The following VPS36 variants were observed in gnomAD, a reference collection of about 807,000 sequenced individuals.
VPS36 encodes the protein vacuolar protein-sorting-associated protein 36.
Under a neutral mutation model 63.5 loss-of-function variants are expected in VPS36, and 31 were observed. That is an observed-to-expected ratio of 0.49 (90% CI 0.37 to 0.66). VPS36 has a LOEUF of 0.66. VPS36 is among the 30% of genes least tolerant of loss of function. VPS36 has a pLI of 0.00. For synonymous variants in VPS36, 138 were observed against 157.2 expected, an observed-to-expected ratio of 0.88 and a Z score of 0.91; for missense variants, 338 against 463.7, an observed-to-expected ratio of 0.73 and a Z score of 2.49.
At chr13:52,429,164 G>C in intron 6 of VPS36, 1 of 725,330 alleles carries the variant, frequency 1.4e-6, no homozygotes, top group Non-Finnish European at 1.7e-6. Context: ...CTCCAATTTT[G>C]AGAAAAACAG....
Position 52,415,254 on chromosome 13 carries a change from T to TA in VPS36, c.*575dup, listed in dbSNP as rs771992533. On this transcript the variant is annotated 3_prime_UTR_variant, in exon 14 of 14. Transcript: ENST00000378060. ...AAATGCCAGTCATGAAATCATCACTTAAAAAAACAAAGAGAAACTAGATAG... is the reference window on the plus strand; with the variant it reads ...AAATGCCAGTCATGAAATCATCACTTAAAAAAAACAAAGAGAAACTAGATAG... 2.6e-5 allele frequency: 4 copies of TA among 152,126 alleles called. No individual in the cohort carries two copies. The highest frequency in any genetic ancestry group is 7.2e-5 in the African/African-American group (3 of 41,430). The allele number at this position is 152,126 out of a possible 1,614,324, so 9.4% of individuals were successfully genotyped here.
intron 3 of VPS36, among the ~76,000 whole-genome samples, chr13:52,437,239 T>C (rs1050675152): frequency 6.6e-6 from 1 of 152,186 alleles, no homozygotes; most frequent in African/African-American, 2.4e-5. Flanking sequence ...AAGATCACTG[T>C]AAAATTGAAA....
At position 52,442,429 on chromosome 13, in the gene VPS36, C is replaced by T; in HGVS notation, c.113G>A (p.Gly38Glu). 6.2e-7 allele frequency: 1 copy of T among 1,611,066 alleles called. No homozygotes were observed. The highest frequency in any genetic ancestry group is 8.5e-7 in the Non-Finnish European group (1 of 1,179,026). Residue 38 changes from glycine to glutamate, a missense_variant, in exon 2 of 14, where the codon GGG (glycine) becomes GAG (glutamate). Transcript: ENST00000378060. ...DGEEKIKFDA[G>E]TLLLSTHRLI... ...TCGGTGTGTACTAAGAAGGAGAGTC[C>T]CAGCATCAAATTTTATCTAGAAAGA...
intron 11 of VPS36, among the ~76,000 whole-genome samples, chr13:52,417,770 C>T (rs1222106830): frequency 6.6e-6 from 1 of 152,226 alleles, no homozygotes; most frequent in Admixed American, 6.5e-5. Context: ...ATTCTGATCT[C>T]ATGGGAAGAA....
chr13:52,416,324 A>C (rs1414219519), intron 12 of VPS36: 1 of 506,516 alleles, frequency 2.0e-6, no homozygotes, highest in East Asian at 3.4e-5. Flanking sequence ...TCAAATATCA[A>C]GATCAAGCTC....
chr13:52,431,593 T>G (rs558088476), intron 6 of VPS36, among the ~76,000 whole-genome samples: 1 of 151,446 alleles, frequency 6.6e-6, no homozygotes, highest in African/African-American at 2.4e-5. Flanking sequence ...TGAAACCCCG[T>G]CTCTACTAAA....
intron 1 of VPS36, among the ~76,000 whole-genome samples, chr13:52,449,023 C>G (rs770027653): frequency 3.9e-5 from 6 of 152,218 alleles, no homozygotes; most frequent in Non-Finnish European, 7.3e-5. Flanking sequence ...GGATGGAAGA[C>G]TCATCTTGAG....
chr13:52,412,801 C>T lies in VPS36; in HGVS notation c.*3029G>A, dbSNP rs1957959987. On this transcript the variant is annotated 3_prime_UTR_variant, in exon 14 of 14. Transcript: ENST00000378060. ...AACAAACCAGATAAAAACTTCTGCCCTTGCGCAGCTTATACTCTAGATCGT... is the reference window on the plus strand; with the variant it reads ...AACAAACCAGATAAAAACTTCTGCCTTTGCGCAGCTTATACTCTAGATCGT... The T allele has an allele frequency of 2.0e-5, 3 of 152,186 alleles. No individual in the cohort carries two copies. In the South Asian group the frequency reaches 6.2e-4, roughly 32 times the overall value. The allele number at this position is 152,186 out of a possible 1,614,324, so 9.4% of individuals were successfully genotyped here.
At chr13:52,427,130 T>C (rs1958109784) in intron 7 of VPS36, 57 bp downstream of exon 7, 2 of 1,605,360 alleles carry the variant, frequency 1.2e-6, no homozygotes, top group Non-Finnish European at 8.5e-7. Context: ...TAACAAAATA[T>C]ATTTCAAAAA....
At chr13:52,427,380 C>CA (rs1414050635) in intron 6 of VPS36, among the ~76,000 whole-genome samples, 161 bp from the exon 7 acceptor site, 8 of 152,162 alleles carry the variant, frequency 5.3e-5, no homozygotes, top group African/African-American at 1.9e-4. Context: ...CCGAGGCAGG[C>CA]AGATCACGAG....
chr13:52,434,877 G>A lies in VPS36; in HGVS notation c.357C>T (p.Tyr119=), dbSNP rs376689962. ...SFKEHGQIEF[Y]RRLSEEMTQR... ...GTGTCATTTCCTCTGATAAACGCCT[G>A]TAAAACTGATACGCAAATAAATACA... Residue 119 remains tyrosine, a synonymous_variant, in exon 5 of 14, where the codon TAC becomes TAT. Coordinates refer to ENST00000378060, the MANE Select transcript of VPS36 (RefSeq NM_016075.4). The A allele has an allele frequency of 8.7e-6, 14 of 1,611,784 alleles. No homozygotes were observed. Among genetic ancestry groups the A allele is most frequent in the Middle Eastern group, 1.6e-4 (1 of 6,074 alleles).
At chr13:52,427,261 A>G in intron 6 of VPS36, 42 bp from the exon 7 acceptor site, 1 of 1,594,390 alleles carries the variant, frequency 6.3e-7, no homozygotes, top group Non-Finnish European at 8.5e-7. Context: ...CATCTAAAGA[A>G]TTAAAATGAC....
chr13:52,450,313 C>A, intron 1 of VPS36, 186 bp downstream of exon 1: 1 of 1,172,868 alleles, frequency 8.5e-7, no homozygotes, highest in Non-Finnish European at 1.1e-6. Flanking sequence ...GCGCCCCACG[C>A]CACGTGCTAC....
At chr13:52,435,855 C>A (rs1325492460) in intron 4 of VPS36, 2 of 153,752 alleles carry the variant, frequency 1.3e-5, no homozygotes, top group Admixed American at 1.3e-4. Context: ...TATTATACTG[C>A]AGAATAAGTA....
chr13:52,446,535 A>C (rs61959671), intron 1 of VPS36, among the ~76,000 whole-genome samples: 4,341 of 152,230 alleles, frequency 0.029, 80 homozygotes, highest in Non-Finnish European at 0.048. Context: ...TGCTTACACC[A>C]CTCAGAACCT....
intron 11 of VPS36, 116 bp from the exon 12 acceptor site, chr13:52,417,257 A>T: frequency 1.3e-6 from 1 of 769,988 alleles, no homozygotes. Context: ...AATATTAAAC[A>T]AAACAACATT....
intron 10 of VPS36, among the ~76,000 whole-genome samples, chr13:52,419,639 CT>C (rs1178012322): frequency 6.6e-6 from 1 of 152,140 alleles, no homozygotes; most frequent in Non-Finnish European, 1.5e-5. Context: ...AATCCCACTG[CT>C]GGGTATATAT....
chr13:52,426,370 A>T (rs1164511519), intron 8 of VPS36, among the ~76,000 whole-genome samples: 2 of 152,222 alleles, frequency 1.3e-5, no homozygotes, highest in Non-Finnish European at 2.9e-5. Flanking sequence ...CTGAAAAGAA[A>T]ATGGCTGTGA....
chr13:52,442,552 T>C (rs41292818), intron 1 of VPS36, 107 bp from the exon 2 acceptor site: 40,238 of 924,906 alleles, frequency 0.044, 1,033 homozygotes, highest in Middle Eastern at 0.068. Flanking sequence ...TAAACAAACA[T>C]TTTACTTTTA....
Sources: allele counts gnomAD v4.1 joint callset (sites outside exome capture counted in the v4.1 genomes callset), GRCh38; gene constraint gnomAD v4.1.1; transcripts MANE v1.5; gene names NCBI Gene and HGNC (gene_info 2026-07-23, HGNC 2026-07-21).